PLXNB2: variants seen among roughly 807,000 people sequenced by gnomAD.
The protein encoded by PLXNB2 is plexin B2, also known as plexin-B2.
A neutral mutation model predicts 202.6 loss-of-function variants in PLXNB2; 85 were observed. The observed-to-expected ratio is 0.42, with a 90% confidence interval of 0.35 to 0.50. PLXNB2 has a LOEUF of 0.50. Ranked by LOEUF, PLXNB2 falls within the 20% of genes least tolerant of loss-of-function variation. The pLI is 0.02. For synonymous variants in PLXNB2, 1,239 were observed against 1,137.6 expected (o/e 1.09, Z -1.79); for missense variants, 2,063 against 2,586.2 (o/e 0.80, Z 4.39).
intron 2 of PLXNB2, among the ~76,000 whole-genome samples, chr22:50,292,446 T>C (rs1214237727): frequency 6.6e-6 from 1 of 151,926 alleles, no homozygotes; most frequent in Non-Finnish European, 1.5e-5. Context: ...CACGACAGCC[T>C]GTGACCCATT....
At chr22:50,307,497 GC>G (rs561318339) in intron 1 of PLXNB2, 55 bp downstream of exon 1, 54 of 896,034 alleles carry the variant, frequency 6.0e-5, no homozygotes, top group African/African-American at 1.1e-4. Flanking sequence ...TGACGGCGAA[GC>G]CCCCCCCACG....
chr22:50,281,452 G>A lies in PLXNB2; in HGVS notation c.3570C>T (p.Asp1190=). 1 of 1,612,508 alleles carries A rather than the reference G, an allele frequency of 6.2e-7. No individual in the cohort carries two copies. Among genetic ancestry groups the A allele is most frequent in the Non-Finnish European group, 8.5e-7 (1 of 1,179,820 alleles). The change falls in exon 22 of 37, where the codon GAC becomes GAT. Residue 1190 remains aspartate, a synonymous_variant. Coordinates refer to ENST00000359337, the MANE Select transcript of PLXNB2 (RefSeq NM_012401.4). ...TGAGCGGCACGTCGCTCACCCGTGT[G>A]TCGTACTCCACGCGGCCCAGCACCC... ...REWVLGRVEY[D]TRVSDVPLSL...
intron 1 of PLXNB2, among the ~76,000 whole-genome samples, chr22:50,299,166 G>C (rs1427421488): frequency 6.6e-6 from 1 of 152,192 alleles, no homozygotes; most frequent in Admixed American, 6.5e-5. Context: ...AGGAGAGCTC[G>C]GGCCTAGGCC....
chr22:50,279,926 A>T (rs2065871083), intron 26 of PLXNB2, 79 bp downstream of exon 26: 2 of 1,413,858 alleles, frequency 1.4e-6, no homozygotes, highest in South Asian at 1.2e-5. Context: ...AAGGTGCCGT[A>T]CAGATAGGGG....
intron 1 of PLXNB2, among the ~76,000 whole-genome samples, chr22:50,296,139 AAGG>A (rs1273567390): frequency 2.0e-5 from 3 of 150,076 alleles, no homozygotes; most frequent in Non-Finnish European, 3.0e-5. Context: ...CTTTGGGAGC[AAGG>A]AGGAGGCCAC....
chr22:50,292,536 C>T (rs1455740970), intron 2 of PLXNB2, among the ~76,000 whole-genome samples: 1 of 152,124 alleles, frequency 6.6e-6, no homozygotes, highest in South Asian at 2.1e-4. Flanking sequence ...GGGATTCTGA[C>T]ATGCAGTGGG....
Position 50,289,658 on chromosome 22 carries a change from CG to C in PLXNB2, c.926del (p.Ala309GlyfsTer82). On this transcript the variant is annotated frameshift_variant, in exon 3 of 37. Transcript: ENST00000359337. LOFTEE classifies it high-confidence loss of function. This position sits in a 1 kb window ranked among gnomAD's most constrained non-coding sequence, Gnocchi z 8.0. Reference protein sequence around the residue: ...RDSRSSGGPGAGLCLFPLDKV... With the variant: ...RDSRSSGGPGXGLCLFPLDKV... The stretch of plus-strand genomic sequence containing the variant: ...TGTCCAGCGGGAACAGGCAGAGGCC[CG>C]CACCGGGCCCCCCACTGCTCCGGCT... 6.2e-7 allele frequency: 1 copy of C among 1,609,624 alleles called. No homozygotes were observed. Among genetic ancestry groups the C allele is most frequent in the Non-Finnish European group, 8.5e-7 (1 of 1,179,772 alleles).
chr22:50,283,519 C>A, intron 15 of PLXNB2, 74 bp from the exon 16 acceptor site: 1 of 1,551,398 alleles, frequency 6.4e-7, no homozygotes, highest in Non-Finnish European at 8.8e-7. Flanking sequence ...ACCCCCTCAG[C>A]CTCCCCACCC....
At chr22:50,293,594 A>T (rs1009707166) in intron 2 of PLXNB2, among the ~76,000 whole-genome samples, 2 of 152,158 alleles carry the variant, frequency 1.3e-5, no homozygotes, top group African/African-American at 4.8e-5. Flanking sequence ...CCGGGAATGA[A>T]TGGAATGCGC....
Position 50,287,054 on chromosome 22 carries a change from G to A in PLXNB2, c.1762+57C>T. ...GGCCAGCAGAGGCGAGAGCCCGTGT[G>A]CACAGGGCCCCGTGCGACCGAGAAG... On this transcript the variant is annotated intron_variant, in intron 8 of 36. Coordinates refer to ENST00000359337, the MANE Select transcript of PLXNB2 (RefSeq NM_012401.4). 5 of 1,438,282 alleles carry A rather than the reference G, an allele frequency of 3.5e-6. No individual in the cohort carries two copies. The East Asian group carries it at 1.0e-4, about 29-fold the overall frequency. 89.1% of individuals were successfully genotyped at this position (1,438,282 alleles called of 1,614,324 possible).
rs1202327787 is a variant in PLXNB2, at chr22:50,282,097, A to G, written c.3118-16T>C. The G allele has an allele frequency of 6.2e-7, 1 of 1,607,956 alleles. No individual in the cohort carries two copies. Among genetic ancestry groups the G allele is most frequent in the African/African-American group, 1.3e-5 (1 of 74,876 alleles). ...TACCCACCACCTGCAGGCAAGTCCC[A>G]GCTGTCAGCCCCCGGGCGCAGACCC... On this transcript the variant is annotated splice_polypyrimidine_tract_variant and intron_variant, in intron 19 of 36. Coordinates refer to ENST00000359337, the MANE Select transcript of PLXNB2 (RefSeq NM_012401.4).
Position 50,275,975 on chromosome 22 carries a change from C to T in PLXNB2, c.5338-12G>A, listed in dbSNP as rs778090678. ...GAGTCCGTGTGCGCCTGGGGGGTGACGGGACAGTCAGGGTGGAAAAGGGGC... is the reference window on the plus strand; with the variant it reads ...GAGTCCGTGTGCGCCTGGGGGGTGATGGGACAGTCAGGGTGGAAAAGGGGC... On this transcript the variant is annotated splice_polypyrimidine_tract_variant and intron_variant, in intron 35 of 36. Transcript: ENST00000359337. 5.6e-6 allele frequency: 9 copies of T among 1,611,974 alleles called. No individual in the cohort carries two copies. Among genetic ancestry groups the T allele is most frequent in the South Asian group, 2.2e-5 (2 of 91,062 alleles).
chr22:50,276,035 G>T (rs1479394820), intron 35 of PLXNB2, 72 bp from the exon 36 acceptor site: 11 of 1,432,352 alleles, frequency 7.7e-6, no homozygotes, highest in Non-Finnish European at 1.1e-5. Flanking sequence ...AGTAGTACGG[G>T]ACGCCCAGGA....
Position 50,291,258 on chromosome 22 carries a change from C to T in PLXNB2, c.-13-661G>A, listed in dbSNP as rs535632531. 9.9e-4 allele frequency among the ~76,000 whole-genome samples: 151 copies of T among 152,354 alleles called. No homozygotes were observed. The highest frequency in any genetic ancestry group is 3.2e-3 in the African/African-American group (134 of 41,586). Reference sequence around the variant, plus strand: ...CAGCAATCACCCACAGCTCCTCGCTCGGCCCATGTCACGCCCAGGGCACAG... The same window carrying T: ...CAGCAATCACCCACAGCTCCTCGCTTGGCCCATGTCACGCCCAGGGCACAG... On this transcript the variant is annotated intron_variant, in intron 2 of 36. Transcript: ENST00000359337. The surrounding 1 kb of genome is among the most constrained non-coding windows in gnomAD (Gnocchi z 4.3).
intron 24 of PLXNB2, 31 bp downstream of exon 24, chr22:50,280,713 T>TGGCC: frequency 1.3e-6 from 2 of 1,558,802 alleles, no homozygotes; most frequent in Non-Finnish European, 1.7e-6. Flanking sequence ...GCCACCTGTG[T>TGGCC]GCCCTCCCGC....
intron 1 of PLXNB2, among the ~76,000 whole-genome samples, chr22:50,305,401 C>T (rs964079088): frequency 6.6e-6 from 1 of 152,198 alleles, no homozygotes; most frequent in Non-Finnish European, 1.5e-5. Flanking sequence ...ACACCCCGGG[C>T]GCACACACAG....
At position 50,288,643 on chromosome 22, in the gene PLXNB2, C is replaced by A. The variant is rs909848311; in HGVS notation, c.1380+100G>T. On this transcript the variant is annotated intron_variant, in intron 5 of 36. Transcript: ENST00000359337. This position sits in a 1 kb window ranked among gnomAD's most constrained non-coding sequence, Gnocchi z 5.0. ...AGGAGAAGGGCCCAGCTCTGCAGCACCCCATCCTCCTCTGGCCCCCAGGCC... is the reference window on the plus strand; with the variant it reads ...AGGAGAAGGGCCCAGCTCTGCAGCAACCCATCCTCCTCTGGCCCCCAGGCC... 2.6e-6 allele frequency: 4 copies of A among 1,510,516 alleles called. No homozygotes were observed. The highest frequency in any genetic ancestry group is 2.7e-5 in the African/African-American group (2 of 72,830). The allele number at this position is 1,510,516 out of a possible 1,614,324, so 93.6% of individuals were successfully genotyped here.
chr22:50,289,666 G>GC lies in PLXNB2; in HGVS notation c.918dup (p.Pro307AlafsTer33). 1 of 1,609,802 alleles carries GC rather than the reference G, an allele frequency of 6.2e-7. No homozygotes were observed. Among genetic ancestry groups the GC allele is most frequent in the Non-Finnish European group, 8.5e-7 (1 of 1,179,798 alleles). ...GGGAACAGGCAGAGGCCCGCACCGG[G>GC]CCCCCCACTGCTCCGGCTGTCTCTG... On this transcript the variant is annotated frameshift_variant, in exon 3 of 37. Coordinates refer to ENST00000359337, the MANE Select transcript of PLXNB2 (RefSeq NM_012401.4). LOFTEE classifies it high-confidence loss of function. The surrounding 1 kb of genome is among the most constrained non-coding windows in gnomAD (Gnocchi z 8.0).
chr22:50,286,981 G>C, intron 8 of PLXNB2, 130 bp downstream of exon 8: 1 of 934,354 alleles, frequency 1.1e-6, no homozygotes, highest in Non-Finnish European at 1.5e-6. Flanking sequence ...TTCAGGCTGG[G>C]CCCCCGGAGC....
Sources: allele counts gnomAD v4.1 joint callset (sites outside exome capture counted in the v4.1 genomes callset), GRCh38; gene constraint gnomAD v4.1.1; non-coding constraint Gnocchi (gnomAD v3.1); transcripts MANE v1.5; gene names NCBI Gene and HGNC (gene_info 2026-07-23, HGNC 2026-07-21).